The following DHRSX variants were observed in gnomAD, a reference collection of about 807,000 sequenced individuals.
The protein encoded by DHRSX is polyprenol dehydrogenase.
In DHRSX, 31 loss-of-function variants were observed where a neutral mutation model predicts 34.0. The ratio of observed to expected loss-of-function variants is 0.91; its 90% confidence interval spans 0.69 to 1.23. The LOEUF is 1.23. DHRSX is among the 50% of genes most tolerant of loss of function. The pLI is 0.00. For missense variants in DHRSX, 414 were observed against 428.1 expected, an observed-to-expected ratio of 0.97 and a Z score of 0.29; for synonymous variants, 201 against 183.8, an observed-to-expected ratio of 1.09 and a Z score of -0.76.
chrX:2,271,006 A>T (rs1249688750), intron 4 of DHRSX, among the ~76,000 whole-genome samples: 1 of 151,840 alleles, frequency 6.6e-6, no homozygotes, highest in African/African-American at 2.4e-5. Flanking sequence ...GGGCCAAATA[A>T]GGGAATAAAA....
At chrX:2,339,337 C>T (rs2042611576) in intron 3 of DHRSX, among the ~76,000 whole-genome samples, 1 of 151,872 alleles carries the variant, frequency 6.6e-6, no homozygotes, top group South Asian at 2.1e-4. Flanking sequence ...CAGGGTTTCA[C>T]CATGTTGGCC....
chrX:2,295,777 A>G (rs1329864509), intron 3 of DHRSX, among the ~76,000 whole-genome samples: 2 of 152,180 alleles, frequency 1.3e-5, no homozygotes, highest in African/African-American at 4.8e-5. Context: ...CAGTAGAATA[A>G]TAAAAGAGGG....
chrX:2,438,609 G>A (rs1371131409), intron 1 of DHRSX, among the ~76,000 whole-genome samples: 12 of 149,634 alleles, frequency 8.0e-5, no homozygotes, highest in African/African-American at 2.7e-4. Context: ...CGGACATTGC[G>A]GTGAGCCGAG....
intron 4 of DHRSX, among the ~76,000 whole-genome samples, chrX:2,268,167 C>G (rs1235537862): frequency 6.6e-6 from 1 of 152,166 alleles, no homozygotes; most frequent in Non-Finnish European, 1.5e-5. Context: ...CACAGAACAG[C>G]CCACCCCTGT....
chrX:2,390,966 C>T (rs1431073477), intron 3 of DHRSX, among the ~76,000 whole-genome samples: 16 of 145,454 alleles, frequency 1.1e-4, no homozygotes, highest in South Asian at 6.7e-4. Context: ...TAGCCCACAT[C>T]GCAGCATGCA....
At chrX:2,360,147 C>T (rs1569493541) in intron 3 of DHRSX, among the ~76,000 whole-genome samples, 1 of 152,010 alleles carries the variant, frequency 6.6e-6, no homozygotes, top group South Asian at 2.1e-4. Context: ...CATGAAGCTT[C>T]CCTGAGTGCA....
At chrX:2,456,613 CAAA>C (rs57262200) in intron 1 of DHRSX, among the ~76,000 whole-genome samples, 106 of 108,832 alleles carry the variant, frequency 9.7e-4, no homozygotes, top group East Asian at 3.9e-3. Context: ...GACTCCTCTT[CAAA>C]AAAAAAAAAA....
rs185583165 is a variant in DHRSX, at chrX:2,250,203, C to G, written c.597-6973G>C. Among the ~76,000 whole-genome samples the G allele has an allele frequency of 1.0e-4, 15 of 149,986 alleles. No homozygotes were observed. In the South Asian group the frequency reaches 3.0e-3, roughly 30 times the overall value. ...AAAATTAAGCATTGATTCAAAAAGTCTTTTCTGGCTGGGTGCAGTGGCTCA... is the reference window on the plus strand; with the variant it reads ...AAAATTAAGCATTGATTCAAAAAGTGTTTTCTGGCTGGGTGCAGTGGCTCA... On this transcript the variant is annotated intron_variant, in intron 5 of 6. Coordinates refer to ENST00000334651, the MANE Select transcript of DHRSX (RefSeq NM_145177.3).
intron 4 of DHRSX, among the ~76,000 whole-genome samples, chrX:2,289,548 T>C (rs2041843161): frequency 6.6e-6 from 1 of 152,192 alleles, no homozygotes; most frequent in African/African-American, 2.4e-5. Context: ...CACCATGTCA[T>C]GTATGTATTT....
intron 3 of DHRSX, among the ~76,000 whole-genome samples, chrX:2,385,754 G>C (rs1334819816): frequency 6.6e-6 from 1 of 152,096 alleles, no homozygotes. Context: ...CTATTCAGTG[G>C]ATAAGATTAA....
intron 6 of DHRSX, among the ~76,000 whole-genome samples, chrX:2,226,309 G>C (rs1236155074): frequency 1.3e-5 from 2 of 152,090 alleles, no homozygotes; most frequent in Admixed American, 6.6e-5. Flanking sequence ...GCAATTACTC[G>C]AGTTCCCCTC....
intron 3 of DHRSX, among the ~76,000 whole-genome samples, chrX:2,325,517 G>A (rs1286851467): frequency 1.3e-5 from 2 of 152,144 alleles, no homozygotes; most frequent in Non-Finnish European, 2.9e-5. Flanking sequence ...AGAAAAACAG[G>A]ACCGAGAGCC....
chrX:2,245,172 TGAGA>T, intron 5 of DHRSX, among the ~76,000 whole-genome samples: 1 of 152,278 alleles, frequency 6.6e-6, no homozygotes, highest in East Asian at 1.9e-4. Flanking sequence ...CTGTGCTCAC[TGAGA>T]TAGATGCATA....
At position 2,449,068 on chromosome X, in the gene DHRSX, A is replaced by G. The variant is rs1440640317; in HGVS notation, c.110-23764T>C. On this transcript the variant is annotated intron_variant, in intron 1 of 6. Transcript: ENST00000334651. ...GCTGGGTGTGGTGGCGGGCGCCTGTAATGCCAGCTACTCAGGAGGCTGAGA... is the reference window on the plus strand; with the variant it reads ...GCTGGGTGTGGTGGCGGGCGCCTGTGATGCCAGCTACTCAGGAGGCTGAGA... Among the ~76,000 whole-genome samples the G allele has an allele frequency of 2.0e-5, 3 of 152,070 alleles. No homozygotes were observed. In the East Asian group the frequency reaches 5.8e-4, roughly 29 times the overall value.
chrX:2,338,376 C>G (rs112812584), intron 3 of DHRSX, among the ~76,000 whole-genome samples: 18,869 of 151,126 alleles, frequency 0.12, 3,511 homozygotes, highest in African/African-American at 0.41. Flanking sequence ...ACACTCACAA[C>G]CATTCTACAA....
chrX:2,240,500 GA>G (rs2016115715), intron 6 of DHRSX, among the ~76,000 whole-genome samples: 1 of 151,742 alleles, frequency 6.6e-6, no homozygotes, highest in Non-Finnish European at 1.5e-5. Context: ...AGGGAGAAAA[GA>G]GAATTTGTAA....
At chrX:2,238,716 T>C (rs947757333) in intron 6 of DHRSX, among the ~76,000 whole-genome samples, 2 of 151,570 alleles carry the variant, frequency 1.3e-5, no homozygotes, top group Non-Finnish European at 2.9e-5. Flanking sequence ...CCCGAGTAGC[T>C]GGAATGACAC....
At chrX:2,445,083 G>A (rs1438274435) in intron 1 of DHRSX, among the ~76,000 whole-genome samples, 1 of 152,164 alleles carries the variant, frequency 6.6e-6, no homozygotes, top group African/African-American at 2.4e-5. Flanking sequence ...CTTGAACCCA[G>A]GAGGTAGAGG....
intron 6 of DHRSX, among the ~76,000 whole-genome samples, chrX:2,229,570 G>T (rs1453258211): frequency 6.6e-6 from 1 of 151,932 alleles, no homozygotes; most frequent in Non-Finnish European, 1.5e-5. Flanking sequence ...GCATGTGTGT[G>T]TGTGCACAGA....
Sources: allele counts gnomAD v4.1 joint callset (sites outside exome capture counted in the v4.1 genomes callset), GRCh38; gene constraint gnomAD v4.1.1; transcripts MANE v1.5; gene names NCBI Gene and HGNC (gene_info 2026-07-23, HGNC 2026-07-21).